Variants in MBD5 observed in about 807,000 individuals in gnomAD.
MBD5 encodes the protein methyl-CpG-binding domain protein 5.
In MBD5, 13 loss-of-function variants were observed where a neutral mutation model predicts 117.3. The ratio of observed to expected loss-of-function variants is 0.11; its 90% CI spans 0.07 to 0.18. The LOEUF (loss-of-function observed/expected upper bound fraction) is 0.18, where lower values mean the gene tolerates loss of function less well. Ranked by LOEUF, MBD5 falls within the 10% of genes least tolerant of loss-of-function variation. MBD5 has a pLI of 1.00. For missense variants in MBD5, 1,879 were observed against 2,093.8 expected (o/e 0.90, Z 2.00); for synonymous variants, 727 against 766.4 (o/e 0.95, Z 0.85).
chr2:148,468,734 G>A lies in MBD5; in HGVS notation c.791G>A (p.Ser264Asn). The A allele has an allele frequency of 6.2e-7, 1 of 1,613,858 alleles. No individual in the cohort carries two copies. The highest frequency in any genetic ancestry group is 8.5e-7 in the Non-Finnish European group (1 of 1,179,898). ...NPGFHGAPNSSPIHLNRTPLS... is the reference protein window; with the variant it reads ...NPGFHGAPNSNPIHLNRTPLS... ...GGTTTTCATGGAGCTCCCAATTCTA[G>A]TCCTATTCACCTGAATAGGACTCCT... Residue 264 changes from serine (S) to asparagine (N), a missense_variant, in exon 8 of 14, where the codon AGT becomes AAT. Transcript: ENST00000642680.
At chr2:148,412,303 T>TGTGTGTGTGTGTAG (rs371452995) in intron 4 of MBD5, among the ~76,000 whole-genome samples, 1 of 138,118 alleles carries the variant, frequency 7.2e-6, no homozygotes, top group Non-Finnish European at 1.6e-5. Flanking sequence ...TGTGTGTGTG[T>TGTGTGTGTGTGTAG]AGAGAGAGAG....
At chr2:148,039,887 T>G (rs551669021) in intron 1 of MBD5, among the ~76,000 whole-genome samples, 1 of 152,118 alleles carries the variant, frequency 6.6e-6, no homozygotes, top group Non-Finnish European at 1.5e-5. Context: ...AAAAGTGACT[T>G]TGGGCACATA....
At chr2:148,381,718 G>A (rs185923419) in intron 4 of MBD5, among the ~76,000 whole-genome samples, 177 of 152,258 alleles carry the variant, frequency 1.2e-3, no homozygotes, top group African/African-American at 3.7e-3. Flanking sequence ...GAAAGGTCGG[G>A]TTACCCACAA....
chr2:148,427,795 TA>T (rs1300736357), intron 4 of MBD5, among the ~76,000 whole-genome samples: 1 of 137,422 alleles, frequency 7.3e-6, no homozygotes, highest in Non-Finnish European at 1.6e-5. Flanking sequence ...ATAATAAAAA[TA>T]AAAAAGAATA....
In MBD5 at chr2:148,313,481, G is replaced by A. The variant is rs114367997; in HGVS notation, c.-679-28733G>A. Among the ~76,000 whole-genome samples the A allele has an allele frequency of 9.0e-4, 137 of 151,978 alleles. 1 individual carries two copies. Among genetic ancestry groups the A allele is most frequent in the African/African-American group, 3.1e-3 (128 of 41,490 alleles). On this transcript the variant is annotated intron_variant, in intron 3 of 13. Transcript: ENST00000642680. The stretch of plus-strand genomic sequence containing the variant: ...GGTAAAACCACCTACTCAAGCAGAC[G>A]CACCTCCCTGCTCCAAGCTCGAGCC...
At chr2:148,511,042 G>A (rs1269716259) in intron 13 of MBD5, among the ~76,000 whole-genome samples, 1 of 152,150 alleles carries the variant, frequency 6.6e-6, no homozygotes, top group African/African-American at 2.4e-5. Context: ...GCTCAGCACA[G>A]TATAAGCCAT....
At position 148,258,439 on chromosome 2, in the gene MBD5, G is replaced by A. The variant is rs1231156895; in HGVS notation, c.-680+25044G>A. 2.0e-5 allele frequency among the ~76,000 whole-genome samples: 3 copies of A among 152,248 alleles called. No individual in the cohort carries two copies. In the East Asian group the frequency reaches 5.8e-4, roughly 29 times the overall value. On this transcript the variant is annotated intron_variant, in intron 3 of 13. Transcript: ENST00000642680. ...CTGCAATCTGCACCGGTATCCACCA[G>A]TGCCAGCACCTGCACCCACCGTACA...
At chr2:148,276,520 AC>A (rs1163851611) in intron 3 of MBD5, among the ~76,000 whole-genome samples, 1 of 152,186 alleles carries the variant, frequency 6.6e-6, no homozygotes, top group African/African-American at 2.4e-5. Context: ...ATGAACTTTT[AC>A]TTAAATACTT....
intron 4 of MBD5, among the ~76,000 whole-genome samples, chr2:148,354,276 C>G (rs550492406): frequency 6.6e-6 from 1 of 152,038 alleles, no homozygotes; most frequent in Non-Finnish European, 1.5e-5. Context: ...CTCCACCCCC[C>G]ACCAACAGGC....
At chr2:148,393,182 A>G (rs1418747301) in intron 4 of MBD5, 1 of 152,206 alleles carries the variant, frequency 6.6e-6, no homozygotes. Flanking sequence ...GAGTATCTAA[A>G]TAAAGGAAAA....
At chr2:148,241,615 C>T (rs964530071) in intron 3 of MBD5, among the ~76,000 whole-genome samples, 1 of 152,064 alleles carries the variant, frequency 6.6e-6, no homozygotes, top group Non-Finnish European at 1.5e-5. Flanking sequence ...CCTCCCTGAC[C>T]CTCGATTTTC....
intron 3 of MBD5, among the ~76,000 whole-genome samples, chr2:148,293,543 A>G (rs1701553053): frequency 6.6e-6 from 1 of 152,120 alleles, no homozygotes; most frequent in Admixed American, 6.5e-5. Flanking sequence ...ATTTTTTTGA[A>G]AAAGATCATA....
At chr2:148,259,977 C>T (rs999245272) in intron 3 of MBD5, among the ~76,000 whole-genome samples, 5 of 152,208 alleles carry the variant, frequency 3.3e-5, no homozygotes, top group African/African-American at 1.2e-4. Context: ...TAATAATCTT[C>T]TTATTAGCGA....
At chr2:148,117,330 A>AG (rs1317142669) in intron 1 of MBD5, among the ~76,000 whole-genome samples, 1 of 152,084 alleles carries the variant, frequency 6.6e-6, no homozygotes, top group East Asian at 1.9e-4. Context: ...TTCAATAAAA[A>AG]AAAAAAATGG....
At chr2:148,417,733 T>C (rs1705466140) in intron 4 of MBD5, among the ~76,000 whole-genome samples, 1 of 152,190 alleles carries the variant, frequency 6.6e-6, no homozygotes, top group African/African-American at 2.4e-5. Flanking sequence ...TTTTTTCATA[T>C]GTTTTTTCGC....
intron 4 of MBD5, among the ~76,000 whole-genome samples, chr2:148,354,743 C>G (rs539818397): frequency 2.6e-5 from 4 of 152,178 alleles, no homozygotes; most frequent in Non-Finnish European, 5.9e-5. Context: ...CATGTAAAAG[C>G]ATTCCTATTT....
chr2:148,477,015 AC>A (rs986653925), intron 8 of MBD5, among the ~76,000 whole-genome samples: 3 of 152,136 alleles, frequency 2.0e-5, no homozygotes, highest in African/African-American at 7.2e-5. Flanking sequence ...TTTAAAAAAA[AC>A]CCTATTACTT....
intron 3 of MBD5, among the ~76,000 whole-genome samples, chr2:148,254,537 A>G (rs1700538508): frequency 6.6e-6 from 1 of 152,086 alleles, no homozygotes; most frequent in Non-Finnish European, 1.5e-5. Context: ...CTGAGAGCAT[A>G]GCACCTCCCA....
At chr2:148,404,429 G>A (rs150514977) in intron 4 of MBD5, among the ~76,000 whole-genome samples, 1 of 152,066 alleles carries the variant, frequency 6.6e-6, no homozygotes, top group African/African-American at 2.4e-5. Flanking sequence ...CCCCTCACAT[G>A]CTGAATACTC....
Sources: allele counts gnomAD v4.1 joint callset (sites outside exome capture counted in the v4.1 genomes callset), GRCh38; gene constraint gnomAD v4.1.1; transcripts MANE v1.5; gene names NCBI Gene and HGNC (gene_info 2026-07-23, HGNC 2026-07-21).